Variants in PGM3 observed in about 807,000 individuals in gnomAD.
PGM3 encodes the protein phosphoacetylglucosamine mutase.
In PGM3, 40 loss-of-function variants were observed where a neutral mutation model predicts 66.2. The ratio of observed to expected loss-of-function variants is 0.60; its 90% CI spans 0.47 to 0.79. The LOEUF is 0.79. Ranked by LOEUF, PGM3 falls within the 30% of genes least tolerant of loss-of-function variation. The pLI is 0.00. For missense variants in PGM3, 537 were observed against 643.4 expected, an observed-to-expected ratio of 0.83 and a Z score of 1.79; for synonymous variants, 191 against 224.2, an observed-to-expected ratio of 0.85 and a Z score of 1.32.
chr6:83,160,610 T>C (rs933763428), downstream of PGM3, among the ~76,000 whole-genome samples: 5 of 152,172 alleles, frequency 3.3e-5, no homozygotes, highest in Non-Finnish European at 5.9e-5. Flanking sequence ...GGAGGCAGTT[T>C]TATCTTAGAT....
At position 83,165,762 on chromosome 6, in the gene PGM3, G is replaced by A. The variant is rs77346434; in HGVS notation, c.*3472C>T. The A allele has an allele frequency of 0.013, 3,188 of 242,332 alleles. 118 individuals carry two copies. Among genetic ancestry groups the A allele is most frequent in the African/African-American group, 0.066 (2,926 of 44,372 alleles). The allele number at this position is 242,332 out of a possible 1,614,324, so 15.0% of individuals were successfully genotyped here. ...GCCCAATTAGTTCAATTTTCGAAGC[G>A]TTGGTTGTGCAACGTGCGGCCCAGT... is the stretch of plus-strand genomic sequence containing the variant. On this transcript the variant is annotated 3_prime_UTR_variant, in exon 13 of 13. Coordinates refer to ENST00000513973, the MANE Select transcript of PGM3 (RefSeq NM_015599.3).
chr6:83,157,117 C>T, downstream of PGM3: 1 of 1,527,240 alleles, frequency 6.5e-7, no homozygotes, highest in Non-Finnish European at 8.9e-7. Flanking sequence ...ACTGGACCGA[C>T]AATATAGAAA....
rs930748820 is a variant in PGM3 at position 83,170,156 on chromosome 6, A to G, written c.1539+149T>C. The G allele has an allele frequency of 1.5e-5, 10 of 663,384 alleles. No homozygotes were observed. The African/African-American group carries it at 1.8e-4, about 12-fold the overall frequency. The allele number at this position is 663,384 out of a possible 1,614,324, so 41.1% of individuals were successfully genotyped here. On this transcript the variant is annotated intron_variant, in intron 12 of 12. Coordinates refer to ENST00000513973, the MANE Select transcript of PGM3 (RefSeq NM_015599.3). ...TTAAATTGTATAATTACTGCTGGTG[A>G]AAATAATTTTGTAGTCTTAATGTGA...
intron 4 of PGM3, among the ~76,000 whole-genome samples, chr6:83,186,123 G>GT (rs1001493864): frequency 1.2e-4 from 18 of 152,260 alleles, no homozygotes; most frequent in African/African-American, 4.1e-4. Flanking sequence ...TCTGTACATC[G>GT]TATCATGAGG....
At chr6:83,164,267 T>C (rs1784907984), downstream of PGM3, among the ~76,000 whole-genome samples, 1 of 151,652 alleles carries the variant, frequency 6.6e-6, no homozygotes, top group African/African-American at 2.4e-5. Context: ...TTGACTTAAA[T>C]TCCTAGTTGC....
chr6:83,168,225 A>G lies in PGM3; in HGVS notation c.*1009T>C. 6.5e-7 allele frequency: 1 copy of G among 1,546,440 alleles called. No individual in the cohort carries two copies. The highest frequency in any genetic ancestry group is 1.3e-5 in the South Asian group (1 of 77,836). ...AAATGTAATTATTTAAAACACACAC[A>G]CTGCTCTGCGTTGTATAGTTTTTCC... On this transcript the variant is annotated 3_prime_UTR_variant, in exon 13 of 13. Transcript: ENST00000513973.
chr6:83,150,583 TAAA>T, the PGM3 span, among the ~76,000 whole-genome samples: 1 of 152,152 alleles, frequency 6.6e-6, no homozygotes, highest in Non-Finnish European at 1.5e-5. Context: ...ATTACCTAAT[TAAA>T]AAATAGATAT....
rs1303901677 is a variant in PGM3, at chr6:83,177,757, C to T, written c.1029+916G>A. Among the ~76,000 whole-genome samples the T allele has an allele frequency of 5.9e-5, 9 of 152,154 alleles. No individual in the cohort carries two copies. The East Asian group carries it at 9.6e-4, about 16-fold the overall frequency. On this transcript the variant is annotated intron_variant, in intron 8 of 12. Coordinates refer to ENST00000513973, the MANE Select transcript of PGM3 (RefSeq NM_015599.3). ...TTAGCGAGAATCCCTCATCCTGATACATGACCACTCTTGACATCTGATCTG... is the reference window on the plus strand; with the variant it reads ...TTAGCGAGAATCCCTCATCCTGATATATGACCACTCTTGACATCTGATCTG...
rs567801467 is a variant in PGM3, at chr6:83,187,297, A to G, written c.390-222T>C. The stretch of plus-strand genomic sequence containing the variant: ...AGGAAAAATTCTGGCTTTTAAATGA[A>G]TTTATAAAATAGATATAAAGGACAC... On this transcript the variant is annotated intron_variant, in intron 3 of 12. Transcript: ENST00000513973. Among the ~76,000 whole-genome samples the G allele has an allele frequency of 1.5e-4, 23 of 152,302 alleles. No homozygotes were observed. In the East Asian group the frequency reaches 3.3e-3, roughly 22 times the overall value.
the PGM3 span, chr6:83,153,679 C>G: frequency 1.5e-6 from 2 of 1,367,236 alleles, no homozygotes; most frequent in East Asian, 4.8e-5. Context: ...GAAACAAGTT[C>G]TGTTCCCTTA....
At chr6:83,164,479 C>T (rs1440058122), downstream of PGM3, among the ~76,000 whole-genome samples, 1 of 151,932 alleles carries the variant, frequency 6.6e-6, no homozygotes. Flanking sequence ...TTATAAGACC[C>T]CCCTCCTTTA....
At chr6:83,183,916 AT>A (rs1214092208) in intron 4 of PGM3, among the ~76,000 whole-genome samples, 3 of 151,956 alleles carry the variant, frequency 2.0e-5, no homozygotes, top group African/African-American at 4.8e-5. Context: ...GGGTTTCATC[AT>A]GTTGGCCAGA....
chr6:83,162,183 G>C (rs1471684846), downstream of PGM3, among the ~76,000 whole-genome samples: 1 of 152,108 alleles, frequency 6.6e-6, no homozygotes, highest in Non-Finnish European at 1.5e-5. Context: ...CCTATGCGGG[G>C]AGGGGAGACT....
At position 83,167,270 on chromosome 6, in the gene PGM3, T is replaced by C. The variant is rs1218584849; in HGVS notation, c.*1964A>G. On this transcript the variant is annotated 3_prime_UTR_variant, in exon 13 of 13. Coordinates refer to ENST00000513973, the MANE Select transcript of PGM3 (RefSeq NM_015599.3). ...CCTTTGACTCCAGGTCCAGCTTTCC[T>C]CCCTATGTTGTTTAGCACAACCCAG... 1 of 984,330 alleles carries C rather than the reference T, an allele frequency of 1.0e-6. No homozygotes were observed. The highest frequency in any genetic ancestry group is 1.1e-4 in the East Asian group (1 of 8,806). 61.0% of individuals were successfully genotyped at this position (984,330 alleles called of 1,614,324 possible).
At chr6:83,153,556 G>T in the PGM3 span, 1 of 1,610,000 alleles carries the variant, frequency 6.2e-7, no homozygotes, top group African/African-American at 1.3e-5. Flanking sequence ...TGATGAAAAG[G>T]AGCGGGTTAT....
the PGM3 span, chr6:83,153,589 C>T: frequency 6.2e-7 from 1 of 1,607,598 alleles, no homozygotes; most frequent in Non-Finnish European, 8.5e-7. Flanking sequence ...AAATATTATG[C>T]ATTATGTTGT....
the PGM3 span, among the ~76,000 whole-genome samples, chr6:83,150,278 T>C: frequency 2.6e-5 from 4 of 152,152 alleles, no homozygotes; most frequent in African/African-American, 9.7e-5. Flanking sequence ...GGAGTTGTCA[T>C]AAGGTTCAGA....
chr6:83,149,091 A>C, the PGM3 span, among the ~76,000 whole-genome samples: 6 of 151,272 alleles, frequency 4.0e-5, no homozygotes, highest in African/African-American at 1.5e-4. Flanking sequence ...ATGTAACTAC[A>C]CTAACATAAA....
At position 83,168,452 on chromosome 6, in the gene PGM3, C is replaced by T. The variant is rs563694932; in HGVS notation, c.*782G>A. 2.9e-5 allele frequency: 31 copies of T among 1,080,384 alleles called. No homozygotes were observed. In the South Asian group the frequency reaches 9.0e-4, roughly 31 times the overall value. 66.9% of individuals were successfully genotyped at this position (1,080,384 alleles called of 1,614,324 possible). A position where few individuals can be genotyped will look rare whatever the true frequency, so the allele number is the denominator to read the frequency against. ...AGTTGTCTTAAACCTGCAAAATATA[C>T]ACTACCCATTTTTTTTTTCCATTGG... On this transcript the variant is annotated 3_prime_UTR_variant, in exon 13 of 13. Coordinates refer to ENST00000513973, the MANE Select transcript of PGM3 (RefSeq NM_015599.3).
Sources: gnomAD v4.1 joint callset for allele counts (sites outside exome capture counted in the v4.1 genomes callset) on GRCh38, gnomAD v4.1.1 for gene constraint, MANE v1.5 for transcripts, NCBI Gene and HGNC (gene_info 2026-07-23, HGNC 2026-07-21) for gene names.